GALNTL6: variants seen among roughly 807,000 people sequenced by gnomAD.
GALNTL6 encodes polypeptide N-acetylgalactosaminyltransferase-like 6.
GALNTL6 carries 46 observed loss-of-function variants against 73.7 expected under a neutral mutation model. The ratio of observed to expected loss-of-function variants is 0.62; its 90% CI spans 0.49 to 0.80. GALNTL6 has a LOEUF of 0.80. GALNTL6 is among the 30% of genes least tolerant of loss of function. GALNTL6 has a pLI of 0.00. For synonymous variants in GALNTL6, 259 were observed against 263.7 expected (o/e 0.98, Z 0.17); for missense variants, 604 against 755.0 (o/e 0.80, Z 2.34).
At chr4:172,034,227 G>C (rs761380232) in intron 2 of GALNTL6, among the ~76,000 whole-genome samples, 2 of 152,024 alleles carry the variant, frequency 1.3e-5, no homozygotes, top group African/African-American at 2.4e-5. Context: ...AGTTCTCAAA[G>C]TGCTCTGTAG....
Position 172,809,881 on chromosome 4 carries a change from T to C in GALNTL6, c.739+335T>C, listed in dbSNP as rs1413522931. Among the ~76,000 whole-genome samples, 1 of 151,098 alleles carries C rather than the reference T, an allele frequency of 6.6e-6. No individual in the cohort carries two copies. The highest frequency in any genetic ancestry group is 1.9e-4 in the East Asian group (1 of 5,146). ...AAGAAAAACGTGTCCCAAAACTCTTTTATAATCCTGTAGCTACAGCAAGAT... is the reference window on the plus strand; with the variant it reads ...AAGAAAAACGTGTCCCAAAACTCTTCTATAATCCTGTAGCTACAGCAAGAT... On this transcript the variant is annotated intron_variant, in intron 6 of 12. Coordinates refer to ENST00000506823, the MANE Select transcript of GALNTL6 (RefSeq NM_001034845.3). The surrounding 1 kb of genome is among the most constrained non-coding windows in gnomAD (Gnocchi z 4.4).
intron 5 of GALNTL6, among the ~76,000 whole-genome samples, chr4:172,782,609 A>G (rs1315036345): frequency 6.6e-6 from 1 of 151,972 alleles, no homozygotes; most frequent in Non-Finnish European, 1.5e-5. Context: ...ACCCCCACCA[A>G]TTTCCTTTTT....
intron 7 of GALNTL6, among the ~76,000 whole-genome samples, chr4:172,842,240 T>A (rs2036521777): frequency 6.6e-6 from 1 of 152,222 alleles, no homozygotes; most frequent in African/African-American, 2.4e-5. Flanking sequence ...GAATTTACCA[T>A]CTTTAGGATC....
intron 4 of GALNTL6, among the ~76,000 whole-genome samples, chr4:172,336,513 G>A (rs1264319545): frequency 6.6e-6 from 1 of 151,110 alleles, no homozygotes; most frequent in Non-Finnish European, 1.5e-5. Flanking sequence ...CTGACCTCAG[G>A]ATCCGCCCAC....
rs559827543 is a variant in GALNTL6 at position 172,989,372 on chromosome 4, TA to T, written c.1372-19804del. Among the ~76,000 whole-genome samples, 462 of 152,310 alleles carry T rather than the reference TA, an allele frequency of 3.0e-3. 3 individuals are homozygous for T. Among genetic ancestry groups the T allele is most frequent in the African/African-American group, 0.011 (442 of 41,568 alleles). On this transcript the variant is annotated intron_variant, in intron 10 of 12. Coordinates refer to ENST00000506823, the MANE Select transcript of GALNTL6 (RefSeq NM_001034845.3). ...GACTTTTGACTATGAACTTTTGAGT[TA>T]ATGCTGAAATGAATTAACATTTCAG...
chr4:172,420,132 T>A (rs1029554667), intron 5 of GALNTL6, among the ~76,000 whole-genome samples: 1 of 152,214 alleles, frequency 6.6e-6, no homozygotes, highest in Non-Finnish European at 1.5e-5. Flanking sequence ...AATAATAGAA[T>A]GGAACTCATG....
intron 8 of GALNTL6, among the ~76,000 whole-genome samples, chr4:172,910,113 A>C (rs1747121049): frequency 6.6e-6 from 1 of 151,986 alleles, no homozygotes; most frequent in South Asian, 2.1e-4. Context: ...CATATATAGT[A>C]TATGTGAACA....
At chr4:171,890,909 TC>T (rs1354676369) in intron 2 of GALNTL6, among the ~76,000 whole-genome samples, 2 of 152,164 alleles carry the variant, frequency 1.3e-5, no homozygotes, top group Non-Finnish European at 1.5e-5. Flanking sequence ...ATTAGCCTTA[TC>T]CCTTCTTATT....
chr4:172,006,457 T>G (rs1378508557), intron 2 of GALNTL6, among the ~76,000 whole-genome samples: 1 of 151,892 alleles, frequency 6.6e-6, no homozygotes, highest in Non-Finnish European at 1.5e-5. Flanking sequence ...GTGAGACCCT[T>G]TCTTTACAAT....
chr4:172,787,917 A>T (rs936250848), intron 5 of GALNTL6, among the ~76,000 whole-genome samples: 4 of 152,214 alleles, frequency 2.6e-5, no homozygotes, highest in Non-Finnish European at 5.9e-5. Context: ...AAGAATAAAG[A>T]TCATCTTTTC....
intron 10 of GALNTL6, among the ~76,000 whole-genome samples, chr4:172,953,465 C>T (rs896427227): frequency 5.9e-5 from 9 of 152,172 alleles, no homozygotes; most frequent in South Asian, 4.1e-4. Context: ...TCATCAGTGT[C>T]CTTGGTTTTC....
intron 5 of GALNTL6, among the ~76,000 whole-genome samples, chr4:172,586,435 C>T (rs1304011675): frequency 1.4e-5 from 2 of 144,422 alleles, no homozygotes; most frequent in African/African-American, 5.2e-5. Flanking sequence ...GATTTATTGC[C>T]AATGAAATAC....
At chr4:172,777,978 C>A (rs1286734791) in intron 5 of GALNTL6, among the ~76,000 whole-genome samples, 1 of 152,178 alleles carries the variant, frequency 6.6e-6, no homozygotes, top group Non-Finnish European at 1.5e-5. Context: ...TCATTTATTG[C>A]TTTCCATTGT....
At chr4:172,294,427 T>C (rs1739590897) in intron 3 of GALNTL6, among the ~76,000 whole-genome samples, 1 of 152,186 alleles carries the variant, frequency 6.6e-6, no homozygotes, top group South Asian at 2.1e-4. Context: ...AGGAAGATGC[T>C]AGCAGACCAA....
chr4:172,364,273 G>A (rs1742479089), intron 5 of GALNTL6, among the ~76,000 whole-genome samples: 1 of 152,042 alleles, frequency 6.6e-6, no homozygotes, highest in Non-Finnish European at 1.5e-5. Flanking sequence ...AAATTAAAAA[G>A]TTAGTCCATT....
intron 5 of GALNTL6, among the ~76,000 whole-genome samples, chr4:172,547,566 T>C (rs1193117118): frequency 6.6e-6 from 1 of 152,136 alleles, no homozygotes; most frequent in African/African-American, 2.4e-5. Flanking sequence ...TGCAACACCA[T>C]GTGAAAAGTT....
chr4:172,041,388 T>C (rs1043129432), intron 2 of GALNTL6, among the ~76,000 whole-genome samples: 9 of 152,228 alleles, frequency 5.9e-5, no homozygotes, highest in South Asian at 2.1e-4. Flanking sequence ...GCTGATCTAA[T>C]GCAGTCATTG....
At chr4:172,296,034 A>G (rs1322654508) in intron 3 of GALNTL6, among the ~76,000 whole-genome samples, 1 of 152,116 alleles carries the variant, frequency 6.6e-6, no homozygotes, top group Non-Finnish European at 1.5e-5. Flanking sequence ...TTGATGCTTG[A>G]CATTATTATG....
At chr4:172,514,886 A>G (rs768401766) in intron 5 of GALNTL6, among the ~76,000 whole-genome samples, 1 of 152,174 alleles carries the variant, frequency 6.6e-6, no homozygotes, top group Non-Finnish European at 1.5e-5. Context: ...CAGGCTTCCT[A>G]GTAAGGATGT....
Sources: gnomAD v4.1 joint callset for allele counts (sites outside exome capture counted in the v4.1 genomes callset) on GRCh38, gnomAD v4.1.1 for gene constraint, Gnocchi (gnomAD v3.1) non-coding constraint, MANE v1.5 for transcripts, NCBI Gene and HGNC (gene_info 2026-07-23, HGNC 2026-07-21) for gene names.